MCOLN2: variants seen among roughly 807,000 people sequenced by gnomAD.
MCOLN2 encodes mucolipin TRP cation channel 2, also known as mucolipin-2.
Under a neutral mutation model 67.5 loss-of-function variants are expected in MCOLN2, and 57 were observed. That is an observed-to-expected ratio of 0.84 (90% CI 0.68 to 1.05). The LOEUF (loss-of-function observed/expected upper bound fraction) is 1.05, where lower values mean the gene tolerates loss of function less well. Ranked by LOEUF, MCOLN2 falls within the 50% of genes least tolerant of loss-of-function variation. The pLI, the probability that MCOLN2 is intolerant of heterozygous loss-of-function variation, is 0.00. For missense variants in MCOLN2, 620 were observed against 678.8 expected (o/e 0.91, Z 0.96); for synonymous variants, 246 against 233.3 (o/e 1.05, Z -0.50).
chr1:84,961,480 A>G (rs1200669650), intron 2 of MCOLN2, among the ~76,000 whole-genome samples: 1 of 150,600 alleles, frequency 6.6e-6, no homozygotes, highest in East Asian at 2.0e-4. Flanking sequence ...TCTGCTTGGA[A>G]CCTCCCCTAT....
chr1:84,927,884 T>C (rs1263697638), intron 13 of MCOLN2, among the ~76,000 whole-genome samples: 1 of 152,194 alleles, frequency 6.6e-6, no homozygotes, highest in African/African-American at 2.4e-5. Flanking sequence ...CCTCCCAAAG[T>C]GCTGGGATTA....
intron 1 of MCOLN2, among the ~76,000 whole-genome samples, chr1:84,980,170 A>G (rs1359721205): frequency 6.6e-6 from 1 of 152,206 alleles, no homozygotes; most frequent in Non-Finnish European, 1.5e-5. Context: ...GAAATTGAAG[A>G]GGACACCAAA....
At chr1:84,945,444 T>G (rs765855819) in intron 7 of MCOLN2, among the ~76,000 whole-genome samples, 2 of 152,172 alleles carry the variant, frequency 1.3e-5, no homozygotes, top group Non-Finnish European at 2.9e-5. Context: ...CTATAATCGG[T>G]GGCTTAAGTC....
chr1:84,987,415 T>C (rs1178011614), intron 1 of MCOLN2, among the ~76,000 whole-genome samples: 1 of 138,648 alleles, frequency 7.2e-6, no homozygotes, highest in Non-Finnish European at 1.5e-5. Flanking sequence ...TATTTATATA[T>C]GTATATACCT....
At chr1:84,937,659 A>C in intron 11 of MCOLN2, 96 bp downstream of exon 11, 2 of 1,537,998 alleles carry the variant, frequency 1.3e-6, no homozygotes, top group Middle Eastern at 1.7e-4. Flanking sequence ...TCAAGGGTAC[A>C]TGCTAGAGAA....
At chr1:84,987,609 T>TAG (rs1557666092) in intron 1 of MCOLN2, among the ~76,000 whole-genome samples, 29 of 117,652 alleles carry the variant, frequency 2.5e-4, no homozygotes, top group African/African-American at 5.2e-4. Context: ...TAGATGTATA[T>TAG]CAATCTATAT....
At chr1:84,944,172 G>A (rs975259276) in intron 7 of MCOLN2, among the ~76,000 whole-genome samples, 2 of 152,132 alleles carry the variant, frequency 1.3e-5, no homozygotes, top group African/African-American at 4.8e-5. Flanking sequence ...ACAGAATCCA[G>A]TATAGGATTC....
At chr1:84,933,867 C>G (rs1647287830) in intron 11 of MCOLN2, among the ~76,000 whole-genome samples, 1 of 152,218 alleles carries the variant, frequency 6.6e-6, no homozygotes, top group South Asian at 2.1e-4. Context: ...TTACCTCCCC[C>G]TCCTCTTGTG....
At chr1:84,982,714 C>T (rs976047647) in intron 1 of MCOLN2, among the ~76,000 whole-genome samples, 1 of 151,958 alleles carries the variant, frequency 6.6e-6, no homozygotes, top group African/African-American at 2.4e-5. Context: ...ATGTTTGTTC[C>T]CCTGACCCCA....
intron 1 of MCOLN2, among the ~76,000 whole-genome samples, chr1:84,987,903 T>C (rs529018022): frequency 2.0e-5 from 3 of 152,054 alleles, no homozygotes; most frequent in African/African-American, 7.2e-5. Context: ...CAATGGACTT[T>C]GGCGACTCGG....
At position 84,939,563 on chromosome 1, in the gene MCOLN2, A is replaced by G; in HGVS notation, c.1100T>C (p.Ile367Thr). 6.2e-7 allele frequency: 1 copy of G among 1,613,908 alleles called. No individual in the cohort carries two copies. The highest frequency in any genetic ancestry group is 8.5e-7 in the Non-Finnish European group (1 of 1,179,966). ...ATGGGCTTCCCTCACCTTTGCTTTG[A>G]TTTCCATTTTTAATATGGAGCCAAT... is the stretch of plus-strand genomic sequence containing the variant. ...TIIGSILKME[I>T]KAKNLTNYDL... Residue 367 changes from isoleucine (I) to threonine (T), a missense_variant, in exon 9 of 14, where the codon ATC becomes ACC. Coordinates refer to ENST00000370608, the MANE Select transcript of MCOLN2 (RefSeq NM_153259.4).
At chr1:84,973,037 C>G (rs534220900) in intron 1 of MCOLN2, among the ~76,000 whole-genome samples, 11 of 152,146 alleles carry the variant, frequency 7.2e-5, no homozygotes, top group African/African-American at 2.6e-4. Flanking sequence ...TGCACAAGGA[C>G]GTATGCAAGA....
intron 1 of MCOLN2, among the ~76,000 whole-genome samples, chr1:84,980,251 T>C (rs931203053): frequency 2.6e-5 from 4 of 152,118 alleles, no homozygotes; most frequent in African/African-American, 4.8e-5. Flanking sequence ...CAAAGGAATC[T>C]ACAGACTCAA....
At chr1:84,987,503 G>GTATAT (rs1650619899) in intron 1 of MCOLN2, among the ~76,000 whole-genome samples, 3 of 19,990 alleles carry the variant, frequency 1.5e-4, no homozygotes, top group Non-Finnish European at 2.2e-4. Flanking sequence ...TGTATACATA[G>GTATAT]ATGTATACAT....
chr1:84,945,344 G>A (rs1648035008), intron 7 of MCOLN2, among the ~76,000 whole-genome samples: 1 of 151,374 alleles, frequency 6.6e-6, no homozygotes, highest in Non-Finnish European at 1.5e-5. Flanking sequence ...CCTATACTTG[G>A]ACTTAGAAAA....
chr1:84,928,908 C>A (rs905136580), intron 13 of MCOLN2, among the ~76,000 whole-genome samples: 1 of 152,122 alleles, frequency 6.6e-6, no homozygotes, highest in African/African-American at 2.4e-5. Context: ...GTAGGGTATA[C>A]TTTTAGTTAC....
chr1:84,931,948 C>T (rs1318851416), intron 11 of MCOLN2, among the ~76,000 whole-genome samples: 10 of 151,920 alleles, frequency 6.6e-5, no homozygotes, highest in African/African-American at 2.4e-4. Flanking sequence ...CTCTTGCATC[C>T]AGGAGGTTCA....
chr1:84,971,338 G>T (rs1026554671), intron 1 of MCOLN2, among the ~76,000 whole-genome samples: 8 of 151,996 alleles, frequency 5.3e-5, no homozygotes, highest in African/African-American at 1.2e-4. Flanking sequence ...GGGAGGAAAA[G>T]ATAATGAAAT....
At chr1:84,950,809 T>C (rs1648383315) in intron 6 of MCOLN2, among the ~76,000 whole-genome samples, 1 of 152,080 alleles carries the variant, frequency 6.6e-6, no homozygotes, top group South Asian at 2.1e-4. Context: ...AACCATACCA[T>C]CCTCATTTCT....
Sources: allele counts gnomAD v4.1 joint callset (sites outside exome capture counted in the v4.1 genomes callset), GRCh38; gene constraint gnomAD v4.1.1; transcripts MANE v1.5; gene names NCBI Gene and HGNC (gene_info 2026-07-23, HGNC 2026-07-21).